STPG4: variants seen among roughly 807,000 people sequenced by gnomAD.
The protein encoded by STPG4 is protein STPG4.
STPG4 carries 41 observed loss-of-function variants against 31.5 expected under a neutral mutation model. The ratio of observed to expected loss-of-function variants is 1.30; its 90% CI spans 1.01 to 1.69. STPG4 has a LOEUF of 1.69. Ranked by LOEUF, STPG4 falls within the 40% of genes most tolerant of loss-of-function variation. The pLI, the probability that STPG4 is intolerant of heterozygous loss-of-function variation, is 0.00. For synonymous variants in STPG4, 141 were observed against 103.0 expected, an observed-to-expected ratio of 1.37 and a Z score of -2.24; for missense variants, 375 against 293.4, an observed-to-expected ratio of 1.28 and a Z score of -2.03.
In STPG4 at chr2:47,094,554, G is replaced by A. The variant is rs547067461; in HGVS notation, c.520-4180C>T. 3.9e-5 allele frequency among the ~76,000 whole-genome samples: 6 copies of A among 152,292 alleles called. No individual in the cohort carries two copies. In the South Asian group the frequency reaches 8.3e-4, roughly 21 times the overall value. ...ATAAAATACTCTCTTTGGCCTCTGG[G>A]GAGTTTGGAGTCCAGTGAGGGATAT... is the stretch of plus-strand genomic sequence containing the variant. On this transcript the variant is annotated intron_variant, in intron 5 of 6. Transcript: ENST00000445927.
chr2:47,110,476 C>A (rs1686013342), intron 5 of STPG4, among the ~76,000 whole-genome samples: 1 of 152,172 alleles, frequency 6.6e-6, no homozygotes, highest in South Asian at 2.1e-4. Context: ...CACCTGTAAT[C>A]CCAGCTACTT....
chr2:47,123,573 G>C (rs1558680774), intron 5 of STPG4, among the ~76,000 whole-genome samples: 1 of 152,166 alleles, frequency 6.6e-6, no homozygotes, highest in African/African-American at 2.4e-5. Flanking sequence ...GGTGACTTGG[G>C]AAGACCTTCC....
At position 47,099,772 on chromosome 2, in the gene STPG4, G is replaced by A. The variant is rs748437290; in HGVS notation, c.520-9398C>T. Among the ~76,000 whole-genome samples, 8 of 152,258 alleles carry A rather than the reference G, an allele frequency of 5.3e-5. 1 individual carries two copies. Among genetic ancestry groups the A allele is most frequent in the Non-Finnish European group, 8.8e-5 (6 of 68,044 alleles). Reference sequence around the variant, plus strand: ...GGAACCGGGGCTGCGCGTGGCGCTTGCGGGCCAGCTGGAGTTCCGGGTGGG... The same window carrying A: ...GGAACCGGGGCTGCGCGTGGCGCTTACGGGCCAGCTGGAGTTCCGGGTGGG... On this transcript the variant is annotated intron_variant, in intron 5 of 6. Transcript: ENST00000445927.
At chr2:47,097,867 C>T (rs942425829) in intron 5 of STPG4, among the ~76,000 whole-genome samples, 1 of 151,558 alleles carries the variant, frequency 6.6e-6, no homozygotes, top group Non-Finnish European at 1.5e-5. Context: ...CCTGTAATCC[C>T]AGCACTTTTG....
intron 5 of STPG4, among the ~76,000 whole-genome samples, chr2:47,111,228 G>C (rs1379898879): frequency 1.3e-5 from 2 of 152,130 alleles, no homozygotes; most frequent in African/African-American, 2.4e-5. Context: ...GTGGTGGGGA[G>C]GGGTGGTCTT....
chr2:47,116,558 G>C (rs901326610), intron 5 of STPG4, among the ~76,000 whole-genome samples: 1 of 152,132 alleles, frequency 6.6e-6, no homozygotes, highest in Non-Finnish European at 1.5e-5. Context: ...CATAGCACAC[G>C]TGTTCCATGC....
chr2:47,145,298 C>G (rs1686797363), intron 3 of STPG4, among the ~76,000 whole-genome samples: 2 of 152,128 alleles, frequency 1.3e-5, no homozygotes, highest in South Asian at 4.1e-4. Flanking sequence ...ATTTGAGACC[C>G]TAGAAAGGTA....
chr2:47,140,328 T>C (rs2103793645), intron 3 of STPG4, among the ~76,000 whole-genome samples: 1 of 152,262 alleles, frequency 6.6e-6, no homozygotes, highest in South Asian at 2.1e-4. Flanking sequence ...ATGGTTCCTT[T>C]TCCTCTCCTC....
chr2:47,094,134 T>C (rs1251677982), intron 5 of STPG4, among the ~76,000 whole-genome samples: 1 of 152,248 alleles, frequency 6.6e-6, no homozygotes, highest in Admixed American at 6.5e-5. Flanking sequence ...ACATTGTGTA[T>C]GATACGTGTG....
Position 47,151,503 on chromosome 2 carries a change from G to A in STPG4, c.154C>T (p.Pro52Ser). 2 of 1,613,644 alleles carry A rather than the reference G, an allele frequency of 1.2e-6. No homozygotes were observed. Among genetic ancestry groups the A allele is most frequent in the African/African-American group, 2.7e-5 (2 of 74,956 alleles). The change falls in exon 3 of 7, where the codon CCT becomes TCT. Residue 52 changes from proline (P) to serine (S), a missense_variant. Transcript: ENST00000445927. Reference protein sequence around the residue: ...WRIALTDTPIPGTYHLKTFIE... With the variant: ...WRIALTDTPISGTYHLKTFIE... ...AAAGTTTTCAAGTGGTAAGTGCCAG[G>A]TATAGGAGTATCCTGTGGAAAATTG...
chr2:47,103,819 C>G (rs1482791542), intron 5 of STPG4, among the ~76,000 whole-genome samples: 1 of 151,846 alleles, frequency 6.6e-6, no homozygotes, highest in African/African-American at 2.4e-5. Context: ...CCTCACTGAG[C>G]CCCGGGTATG....
At chr2:47,113,652 C>G (rs1227450272) in intron 5 of STPG4, among the ~76,000 whole-genome samples, 1 of 152,124 alleles carries the variant, frequency 6.6e-6, no homozygotes, top group Non-Finnish European at 1.5e-5. Context: ...AATGAGTATG[C>G]TCTTGATTGC....
At chr2:47,133,952 C>G (rs887562005) in intron 3 of STPG4, among the ~76,000 whole-genome samples, 1 of 151,984 alleles carries the variant, frequency 6.6e-6, no homozygotes, top group African/African-American at 2.4e-5. Context: ...TTATGTTGCA[C>G]CAAACACCAT....
At chr2:47,091,150 AAGGGAGGG>A (rs547620600) in intron 5 of STPG4, among the ~76,000 whole-genome samples, 80 of 130,504 alleles carry the variant, frequency 6.1e-4, no homozygotes, top group Admixed American at 1.3e-3. Flanking sequence ...GAAGGAAGGG[AAGGGAGGG>A]AGGGAGGGAG....
At chr2:47,131,450 G>C (rs1362357414) in intron 3 of STPG4, among the ~76,000 whole-genome samples, 1 of 152,160 alleles carries the variant, frequency 6.6e-6, no homozygotes, top group African/African-American at 2.4e-5. Context: ...AAATATTCTA[G>C]ATTCAACAAA....
intron 5 of STPG4, among the ~76,000 whole-genome samples, chr2:47,104,296 G>A (rs1037275444): frequency 1.3e-5 from 2 of 151,930 alleles, no homozygotes; most frequent in Non-Finnish European, 2.9e-5. Flanking sequence ...ACGGAATACT[G>A]TTAAACATTT....
chr2:47,092,664 G>A (rs939671877), intron 5 of STPG4, among the ~76,000 whole-genome samples: 1 of 150,990 alleles, frequency 6.6e-6, no homozygotes, highest in East Asian at 2.0e-4. Context: ...GGGGAGGGTA[G>A]AGGAGAGAGA....
intron 3 of STPG4, among the ~76,000 whole-genome samples, chr2:47,131,203 T>C (rs1292342324): frequency 6.6e-6 from 1 of 152,072 alleles, no homozygotes; most frequent in Non-Finnish European, 1.5e-5. Context: ...CACAGCTCAC[T>C]GAAGCCTCGA....
intron 3 of STPG4, 130 bp from the exon 4 acceptor site, chr2:47,130,390 A>G (rs1686453699): frequency 1.4e-6 from 1 of 721,722 alleles, no homozygotes. Flanking sequence ...TTAATAGTGG[A>G]AAAGGAAAAT....
Sources: allele counts gnomAD v4.1 joint callset (sites outside exome capture counted in the v4.1 genomes callset), GRCh38; gene constraint gnomAD v4.1.1; transcripts MANE v1.5; gene names NCBI Gene and HGNC (gene_info 2026-07-23, HGNC 2026-07-21).